The following KCNA1 variants were observed in gnomAD, a reference collection of about 807,000 sequenced individuals.
The protein encoded by KCNA1 is potassium voltage-gated channel subfamily A member 1.
A neutral mutation model predicts 28.8 loss-of-function variants in KCNA1; 19 were observed. The observed-to-expected ratio is 0.66, with a 90% CI of 0.46 to 0.97. The LOEUF (loss-of-function observed/expected upper bound fraction) is 0.97. Among genes scored for constraint, KCNA1 ranks in the 50% least tolerant of loss-of-function variants. KCNA1 has a pLI of 0.00. For synonymous variants in KCNA1, 311 were observed against 268.8 expected (o/e 1.16, Z -1.53); for missense variants, 419 against 659.7 (o/e 0.64, Z 4.00).
rs539390362 is a variant in KCNA1 at position 4,913,833 on chromosome 12, C to T, written c.*967C>T. 1 of 166,750 alleles carries T rather than the reference C, an allele frequency of 6.0e-6. No homozygotes were observed. The highest frequency in any genetic ancestry group is 2.1e-4 in the South Asian group (1 of 4,820). 10.3% of individuals were successfully genotyped at this position (166,750 alleles called of 1,614,324 possible). ...GAAATCGATTCTTCTAAAAATAGAT[C>T]CTTTTTCATTTGCATTCACCAAAAG... is the stretch of plus-strand genomic sequence containing the variant. On this transcript the variant is annotated 3_prime_UTR_variant, in exon 2 of 2. Coordinates refer to ENST00000382545, the MANE Select transcript of KCNA1 (RefSeq NM_000217.3).
In KCNA1 at chr12:4,911,425, C is replaced by A. The variant is rs1360223867; in HGVS notation, c.47C>A (p.Pro16Gln). 1 of 1,613,346 alleles carries A rather than the reference C, an allele frequency of 6.2e-7. No individual in the cohort carries two copies. The highest frequency in any genetic ancestry group is 8.5e-7 in the Non-Finnish European group (1 of 1,179,814). The change falls in exon 2 of 2, where the codon CCG (proline) becomes CAG (glutamine). Residue 16 changes from proline (P) to glutamine (Q), a missense_variant. Pro to Gln is a moderately conservative substitution (Grantham distance 76). This residue lies in a region of KCNA1 where 67 missense variants were observed against 57.2 expected (regional missense o/e 1.17). Transcript: ENST00000382545. This position sits in a 1 kb window ranked among gnomAD's most constrained non-coding sequence, Gnocchi z 6.6. ...GENVDEASAA[P>Q]GHPQDGSYPR... ...AACGTGGACGAGGCTTCGGCCGCCC[C>A]GGGCCACCCCCAGGATGGCAGCTAC...
At position 4,911,549 on chromosome 12, in the gene KCNA1, G is replaced by A. The variant is rs1462063954; in HGVS notation, c.171G>A (p.Gln57=). The change falls in exon 2 of 2, where the codon CAG becomes CAA. Residue 57 remains glutamine, a synonymous_variant. Coordinates refer to ENST00000382545, the MANE Select transcript of KCNA1 (RefSeq NM_000217.3). This position sits in a 1 kb window ranked among gnomAD's most constrained non-coding sequence, Gnocchi z 6.6. ...AGACGCAGCTCAAGACCCTGGCGCAGTTCCCCAACACGCTGCTGGGCAACC... is the reference window on the plus strand; with the variant it reads ...AGACGCAGCTCAAGACCCTGGCGCAATTCCCCAACACGCTGCTGGGCAACC... ...RFETQLKTLA[Q]FPNTLLGNPK... 6.2e-7 allele frequency: 1 copy of A among 1,614,100 alleles called. No homozygotes were observed. Among genetic ancestry groups the A allele is most frequent in the Admixed American group, 1.7e-5 (1 of 60,004 alleles).
Position 4,910,286 on chromosome 12 carries a change from A to C in KCNA1, c.-726A>C, listed in dbSNP as rs952541571. 1 of 152,076 alleles carries C rather than the reference A, an allele frequency of 6.6e-6. No homozygotes were observed. The highest frequency in any genetic ancestry group is 2.4e-5 in the African/African-American group (1 of 41,406). 9.4% of individuals were successfully genotyped at this position (152,076 alleles called of 1,614,324 possible). On this transcript the variant is annotated 5_prime_UTR_variant, in exon 1 of 2. Coordinates refer to ENST00000382545, the MANE Select transcript of KCNA1 (RefSeq NM_000217.3). This position sits in a 1 kb window ranked among gnomAD's most constrained non-coding sequence, Gnocchi z 4.9. Reference sequence around the variant, plus strand: ...CATTTTCGCCGTAGCTGCTCCGTAAAGCGATTGTCCAACTGAGAGGGGCGT... The same window carrying C: ...CATTTTCGCCGTAGCTGCTCCGTAACGCGATTGTCCAACTGAGAGGGGCGT...
In KCNA1 at chr12:4,912,901, A is replaced by C. The variant is rs1260872050; in HGVS notation, c.*35A>C. 1.4e-6 allele frequency: 2 copies of C among 1,460,340 alleles called. No individual in the cohort carries two copies. Among genetic ancestry groups the C allele is most frequent in the East Asian group, 2.3e-5 (1 of 44,068 alleles). The allele number at this position is 1,460,340 out of a possible 1,614,324, so 90.5% of individuals were successfully genotyped here. On this transcript the variant is annotated 3_prime_UTR_variant, in exon 2 of 2. Transcript: ENST00000382545. Reference sequence around the variant, plus strand: ...GCAAGCAAACAAAAAAGCCCCACTTAGCAGCTCAAAAGACTTAAAAAACAA... The same window carrying C: ...GCAAGCAAACAAAAAAGCCCCACTTCGCAGCTCAAAAGACTTAAAAAACAA...
rs979028819 is a variant in KCNA1, at chr12:4,918,038, T to G, written c.*5172T>G. On this transcript the variant is annotated 3_prime_UTR_variant, in exon 2 of 2. Coordinates refer to ENST00000382545, the MANE Select transcript of KCNA1 (RefSeq NM_000217.3). ...TTATTTCTTGAGTTTGCCAGTTGCT[T>G]CCACCTTGAGTTAAGGACGTGTCTC... is the stretch of plus-strand genomic sequence containing the variant. 3.6e-5 allele frequency: 6 copies of G among 167,120 alleles called. No individual in the cohort carries two copies. The highest frequency in any genetic ancestry group is 1.3e-4 in the Admixed American group (2 of 15,286). The allele number at this position is 167,120 out of a possible 1,614,324, so 10.4% of individuals were successfully genotyped here.
Position 4,916,379 on chromosome 12 carries a change from G to A in KCNA1, c.*3513G>A, listed in dbSNP as rs1353491280. 6.0e-6 allele frequency: 1 copy of A among 167,106 alleles called. No individual in the cohort carries two copies. Among genetic ancestry groups the A allele is most frequent in the Non-Finnish European group, 1.5e-5 (1 of 68,136 alleles). 10.4% of individuals were successfully genotyped at this position (167,106 alleles called of 1,614,324 possible). On this transcript the variant is annotated 3_prime_UTR_variant, in exon 2 of 2. Coordinates refer to ENST00000382545, the MANE Select transcript of KCNA1 (RefSeq NM_000217.3). ...TAGAAGAGTTGGTCACACCAGGGCTGTTAGCCATCCCAGAATCTCTGAAGT... is the reference window on the plus strand; with the variant it reads ...TAGAAGAGTTGGTCACACCAGGGCTATTAGCCATCCCAGAATCTCTGAAGT...
rs368829607 is a variant in KCNA1, at chr12:4,912,778, A to T, written c.1400A>T (p.His467Leu). The change falls in exon 2 of 2, where the codon CAT becomes CTT. Residue 467 changes from histidine to leucine, a missense_variant. Coordinates refer to ENST00000382545, the MANE Select transcript of KCNA1 (RefSeq NM_000217.3). ...IEEDMNNSIAHYRQVNIRTAN... is the reference protein window; with the variant it reads ...IEEDMNNSIALYRQVNIRTAN... ...GAGGATATGAATAATAGCATAGCCC[A>T]TTATAGACAGGTCAATATCAGAACT... is the stretch of plus-strand genomic sequence containing the variant. The T allele has an allele frequency of 2.5e-6, 4 of 1,614,048 alleles. No homozygotes were observed. The highest frequency in any genetic ancestry group is 2.7e-5 in the African/African-American group (2 of 74,920).
In KCNA1 at chr12:4,917,002, T is replaced by C. The variant is rs1947390082; in HGVS notation, c.*4136T>C. The C allele has an allele frequency of 6.0e-6, 1 of 167,058 alleles. No homozygotes were observed. The highest frequency in any genetic ancestry group is 1.5e-5 in the Non-Finnish European group (1 of 68,114). 10.3% of individuals were successfully genotyped at this position (167,058 alleles called of 1,614,324 possible). ...TTAATTCTTAGTTTGGTAGATTGGA[T>C]TGAAAGAAAGGAGAAAGAACATTAG... is the stretch of plus-strand genomic sequence containing the variant. On this transcript the variant is annotated 3_prime_UTR_variant, in exon 2 of 2. Transcript: ENST00000382545.
chr12:4,912,232 C>G lies in KCNA1; in HGVS notation c.854C>G (p.Ala285Gly). ...EQEGNQKGEQ[A>G]TSLAILRVIR... ...GAAGGAAACCAGAAGGGCGAGCAGG[C>G]CACCTCCCTGGCCATCCTCAGGGTC... Residue 285 changes from alanine (A) to glycine (G), a missense_variant, in exon 2 of 2, where the codon GCC (alanine) becomes GGC (glycine). Ala to Gly is a moderately conservative substitution (Grantham distance 60). Transcript: ENST00000382545. The G allele has an allele frequency of 6.2e-7, 1 of 1,613,062 alleles. No individual in the cohort carries two copies. Among genetic ancestry groups the G allele is most frequent in the Non-Finnish European group, 8.5e-7 (1 of 1,179,826 alleles).
rs946767213 is a variant in KCNA1, at chr12:4,915,689, G to A, written c.*2823G>A. 2 of 167,072 alleles carry A rather than the reference G, an allele frequency of 1.2e-5. No homozygotes were observed. The highest frequency in any genetic ancestry group is 4.1e-4 in the South Asian group (2 of 4,824). 10.3% of individuals were successfully genotyped at this position (167,072 alleles called of 1,614,324 possible). A position where few individuals can be genotyped will look rare whatever the true frequency, so the allele number is the denominator to read the frequency against. ...AAAATGCCAACCTCCTCCCAGGCTT[G>A]GGGTTATCTTGATCTTTCATTTCAA... is the stretch of plus-strand genomic sequence containing the variant. On this transcript the variant is annotated 3_prime_UTR_variant, in exon 2 of 2. Transcript: ENST00000382545.
At position 4,912,906 on chromosome 12, in the gene KCNA1, C is replaced by A; in HGVS notation, c.*40C>A. ...CAAACAAAAAAGCCCCACTTAGCAG[C>A]TCAAAAGACTTAAAAAACAAAACAG... On this transcript the variant is annotated 3_prime_UTR_variant, in exon 2 of 2. Transcript: ENST00000382545. The A allele has an allele frequency of 7.2e-7, 1 of 1,390,906 alleles. No individual in the cohort carries two copies. The highest frequency in any genetic ancestry group is 1.0e-6 in the Non-Finnish European group (1 of 977,370). 86.2% of individuals were successfully genotyped at this position (1,390,906 alleles called of 1,614,324 possible).
Position 4,912,278 on chromosome 12 carries a change from T to G in KCNA1, c.900T>G (p.Phe300Leu). Residue 300 changes from phenylalanine to leucine, a missense_variant, in exon 2 of 2, where the codon TTT becomes TTG. Phe to Leu is a conservative substitution (Grantham distance 22). Around this residue, in one of 4 missense-constraint regions of KCNA1, gnomAD observed 54 missense variants for 186.4 expected, o/e 0.29. Coordinates refer to ENST00000382545, the MANE Select transcript of KCNA1 (RefSeq NM_000217.3). ...GGGTCATCCGCTTGGTAAGGGTTTT[T>G]AGAATCTTCAAGCTCTCCCGCCACT... Reference protein sequence around the residue: ...ILRVIRLVRVFRIFKLSRHSK... With the variant: ...ILRVIRLVRVLRIFKLSRHSK... The G allele has an allele frequency of 6.2e-7, 1 of 1,612,246 alleles. No individual in the cohort carries two copies. Among genetic ancestry groups the G allele is most frequent in the Non-Finnish European group, 8.5e-7 (1 of 1,179,720 alleles).
rs1947353699 is a variant in KCNA1 at position 4,911,824 on chromosome 12, A to G, written c.446A>G (p.Tyr149Cys). 6.2e-7 allele frequency: 1 copy of G among 1,613,940 alleles called. No individual in the cohort carries two copies. The highest frequency in any genetic ancestry group is 8.5e-7 in the Non-Finnish European group (1 of 1,179,954). Residue 149 changes from tyrosine to cysteine, a missense_variant, in exon 2 of 2, where the codon TAC (tyrosine) becomes TGC (cysteine). By Grantham distance (194) the Tyr-to-Cys change is radical. Transcript: ENST00000382545. This position sits in a 1 kb window ranked among gnomAD's most constrained non-coding sequence, Gnocchi z 6.6. ...GAGCGCCCTCTGCCCGAGAAGGAGT[A>G]CCAGCGCCAGGTGTGGCTGCTCTTC... ...EEERPLPEKE[Y>C]QRQVWLLFEY...
Position 4,911,942 on chromosome 12 carries a change from G to A in KCNA1, c.564G>A (p.Thr188=). 6.2e-7 allele frequency: 1 copy of A among 1,613,994 alleles called. No individual in the cohort carries two copies. Among genetic ancestry groups the A allele is most frequent in the Non-Finnish European group, 8.5e-7 (1 of 1,179,972 alleles). ...CCATCGTCATCTTTTGCCTGGAGAC[G>A]CTCCCCGAGCTGAAGGATGACAAGG... The part of the protein sequence containing the change: ...LISIVIFCLE[T]LPELKDDKDF... Residue 188 remains threonine (T), a synonymous_variant, in exon 2 of 2, where the codon ACG becomes ACA. Transcript: ENST00000382545. This position sits in a 1 kb window ranked among gnomAD's most constrained non-coding sequence, Gnocchi z 6.6.
chr12:4,913,568 T>C lies in KCNA1; in HGVS notation c.*702T>C, dbSNP rs1244278162. 6.0e-6 allele frequency: 1 copy of C among 167,440 alleles called. No homozygotes were observed. Among genetic ancestry groups the C allele is most frequent in the Non-Finnish European group, 1.5e-5 (1 of 68,396 alleles). 10.4% of individuals were successfully genotyped at this position (167,440 alleles called of 1,614,324 possible). A position where few individuals can be genotyped will look rare whatever the true frequency, so the allele number is the denominator to read the frequency against. ...TAAGAAAAAGTTAACTGAATTAAAT[T>C]AATTGATTCTTCTGCAGTGCCGCTA... On this transcript the variant is annotated 3_prime_UTR_variant, in exon 2 of 2. Coordinates refer to ENST00000382545, the MANE Select transcript of KCNA1 (RefSeq NM_000217.3).
Position 4,912,139 on chromosome 12 carries a change from T to C in KCNA1, c.761T>C (p.Met254Thr). The change falls in exon 2 of 2, where the codon ATG (methionine) becomes ACG (threonine). Residue 254 changes from methionine to threonine, a missense_variant. By Grantham distance (81) the Met-to-Thr change is moderately conservative. Transcript: ENST00000382545. Reference sequence around the variant, plus strand: ...AAGACGGACTTCTTCAAAAACATCATGAACTTCATAGACATTGTGGCCATC... The same window carrying C: ...AAGACGGACTTCTTCAAAAACATCACGAACTTCATAGACATTGTGGCCATC... ...PSKTDFFKNI[M>T]NFIDIVAIIP... The C allele has an allele frequency of 6.2e-7, 1 of 1,614,004 alleles. No individual in the cohort carries two copies. Among genetic ancestry groups the C allele is most frequent in the Non-Finnish European group, 8.5e-7 (1 of 1,180,006 alleles).
rs760496447 is a variant in KCNA1, at chr12:4,912,548, C to G, written c.1170C>G (p.Ser390=). The change falls in exon 2 of 2, where the codon TCC becomes TCG. Residue 390 remains serine, a synonymous_variant. Coordinates refer to ENST00000382545, the MANE Select transcript of KCNA1 (RefSeq NM_000217.3). ...CAATTGGAGGCAAGATCGTGGGCTC[C>G]TTGTGTGCCATCGCTGGTGTGCTAA... The part of the protein sequence containing the change: ...PVTIGGKIVG[S]LCAIAGVLTI... The G allele has an allele frequency of 3.7e-6, 6 of 1,613,876 alleles. No homozygotes were observed. The Admixed American group carries it at 1.0e-4, about 27-fold the overall frequency.
Position 4,913,519 on chromosome 12 carries a change from C to T in KCNA1, c.*653C>T, listed in dbSNP as rs1244616608. 6.0e-6 allele frequency: 1 copy of T among 167,552 alleles called. No individual in the cohort carries two copies. The highest frequency in any genetic ancestry group is 2.4e-5 in the African/African-American group (1 of 41,456). The allele number at this position is 167,552 out of a possible 1,614,324, so 10.4% of individuals were successfully genotyped here. On this transcript the variant is annotated 3_prime_UTR_variant, in exon 2 of 2. Transcript: ENST00000382545. Reference sequence around the variant, plus strand: ...GTAGGGATTTCCCCCTGGGCCCATTCTCTTTCTAATCCAGATTATTCTCTA... The same window carrying T: ...GTAGGGATTTCCCCCTGGGCCCATTTTCTTTCTAATCCAGATTATTCTCTA...
In KCNA1 at chr12:4,912,596, C is replaced by T; in HGVS notation, c.1218C>T (p.Val406=). The change falls in exon 2 of 2, where the codon GTC becomes GTT. Residue 406 remains valine (V), a synonymous_variant. Coordinates refer to ENST00000382545, the MANE Select transcript of KCNA1 (RefSeq NM_000217.3). ...GVLTIALPVP[V]IVSNFNYFYH... Reference sequence around the variant, plus strand: ...TAACAATTGCCCTGCCCGTACCTGTCATTGTGTCCAATTTCAACTATTTCT... The same window carrying T: ...TAACAATTGCCCTGCCCGTACCTGTTATTGTGTCCAATTTCAACTATTTCT... The T allele has an allele frequency of 6.2e-7, 1 of 1,613,826 alleles. No individual in the cohort carries two copies. The highest frequency in any genetic ancestry group is 2.2e-5 in the East Asian group (1 of 44,836).
Sources: allele counts gnomAD v4.1 joint callset, GRCh38; gene constraint gnomAD v4.1.1; regional missense constraint gnomAD v4.1.1; non-coding constraint Gnocchi (gnomAD v3.1); transcripts MANE v1.5; gene names NCBI Gene and HGNC (gene_info 2026-07-23, HGNC 2026-07-21).